The following CCNK variants were observed in gnomAD, a reference collection of about 807,000 sequenced individuals.
CCNK encodes cyclin K.
CCNK carries 9 observed loss-of-function variants against 65.0 expected under a neutral mutation model. That is an observed-to-expected ratio of 0.14 (90% confidence interval 0.08 to 0.24). CCNK has a LOEUF of 0.24. Ranked by LOEUF, CCNK falls within the 10% of genes least tolerant of loss-of-function variation. The pLI is 1.00. For missense variants in CCNK, 474 were observed against 720.0 expected, an observed-to-expected ratio of 0.66 and a Z score of 3.91; for synonymous variants, 279 against 270.8, an observed-to-expected ratio of 1.03 and a Z score of -0.30.
At chr14:99,484,043 TAAAA>T (rs957766345) in intron 1 of CCNK, among the ~76,000 whole-genome samples, 1 of 152,150 alleles carries the variant, frequency 6.6e-6, no homozygotes. Context: ...TCAAAAAAAA[TAAAA>T]AATAAATAAA....
chr14:99,508,756 G>C (rs549927675), intron 10 of CCNK: 4 of 152,578 alleles, frequency 2.6e-5, no homozygotes, highest in African/African-American at 9.6e-5. Context: ...ACAGCACAAG[G>C]GCAGGCACAC....
intron 1 of CCNK, among the ~76,000 whole-genome samples, chr14:99,486,365 T>G (rs1366428799): frequency 6.6e-6 from 1 of 152,210 alleles, no homozygotes; most frequent in Non-Finnish European, 1.5e-5. Flanking sequence ...ACGCTCGCCT[T>G]TGGTGATTCT....
chr14:99,500,717 G>A lies in CCNK; in HGVS notation c.412-49G>A, dbSNP rs373287151. On this transcript the variant is annotated intron_variant, in intron 4 of 10. Transcript: ENST00000389879. ...AAAGCTCACTTTTGTAATGCTGCTT[G>A]AGACCTGCAATTGTAATTACTGTCC... 2.5e-6 allele frequency: 3 copies of A among 1,190,378 alleles called. No individual in the cohort carries two copies. In the African/African-American group the frequency reaches 4.5e-5, roughly 18 times the overall value. 73.7% of individuals were successfully genotyped at this position (1,190,378 alleles called of 1,614,324 possible).
At chr14:99,481,959 G>A (rs1352799087) in intron 1 of CCNK, among the ~76,000 whole-genome samples, 3 of 152,234 alleles carry the variant, frequency 2.0e-5, no homozygotes, top group African/African-American at 7.2e-5. Flanking sequence ...GTGCGGCTAA[G>A]ATGAGGAAAA....
chr14:99,502,394 C>A lies in CCNK; in HGVS notation c.745+18C>A, dbSNP rs749455377. The A allele has an allele frequency of 1.9e-6, 3 of 1,610,772 alleles. No homozygotes were observed. The highest frequency in any genetic ancestry group is 2.5e-6 in the Non-Finnish European group (3 of 1,178,150). On this transcript the variant is annotated intron_variant, in intron 7 of 10. Coordinates refer to ENST00000389879, the MANE Select transcript of CCNK (RefSeq NM_001099402.2). ...TTTGGAAGGTACCAGGCATGCTAAG[C>A]GTTCTCGTGAGGGTGTTCCATGTTG...
At chr14:99,487,754 A>G (rs1234155107) in intron 1 of CCNK, among the ~76,000 whole-genome samples, 2 of 152,260 alleles carry the variant, frequency 1.3e-5, no homozygotes, top group Non-Finnish European at 2.9e-5. Context: ...TCAACTGAAT[A>G]GTGTTAACAC....
At chr14:99,509,845 A>G in intron 10 of CCNK, 2 of 430,640 alleles carry the variant, frequency 4.6e-6, no homozygotes, top group South Asian at 7.3e-5. Flanking sequence ...GTTTTGCACT[A>G]GGAAGAGGGG....
intron 8 of CCNK, 127 bp downstream of exon 8, chr14:99,503,111 A>C: frequency 9.2e-7 from 1 of 1,081,154 alleles, no homozygotes; most frequent in Non-Finnish European, 1.4e-6. Context: ...CGAAACTCGC[A>C]GTCCGACTGC....
At chr14:99,500,572 C>T (rs1896800300) in intron 4 of CCNK, 194 bp from the exon 5 acceptor site, 3 of 543,968 alleles carry the variant, frequency 5.5e-6, no homozygotes, top group Admixed American at 3.7e-5. Flanking sequence ...CTTTGTCTTC[C>T]TGTTTGAGAT....
chr14:99,481,600 C>T (rs989590735), intron 1 of CCNK, 121 bp downstream of exon 1: 2 of 395,228 alleles, frequency 5.1e-6, no homozygotes, highest in East Asian at 7.2e-5. Flanking sequence ...TTCTGCCTCC[C>T]TCCGCTAACC....
intron 1 of CCNK, among the ~76,000 whole-genome samples, chr14:99,490,937 A>AG (rs1262513851): frequency 6.6e-6 from 1 of 152,052 alleles, no homozygotes; most frequent in East Asian, 1.9e-4. Context: ...TCAAAAAAAA[A>AG]AAAAAAAAGA....
At chr14:99,490,593 C>T (rs963343586) in intron 1 of CCNK, among the ~76,000 whole-genome samples, 2 of 152,044 alleles carry the variant, frequency 1.3e-5, no homozygotes, top group Non-Finnish European at 2.9e-5. Context: ...TGTTTTTCCC[C>T]ATTCCTTATT....
intron 1 of CCNK, among the ~76,000 whole-genome samples, chr14:99,485,792 G>A (rs918477703): frequency 3.3e-5 from 5 of 151,944 alleles, no homozygotes; most frequent in African/African-American, 7.3e-5. Context: ...CCCTGGAGGC[G>A]GGAGGTTGCA....
intron 4 of CCNK, among the ~76,000 whole-genome samples, chr14:99,496,125 C>A (rs774571271): frequency 6.6e-6 from 1 of 152,148 alleles, no homozygotes. Flanking sequence ...CTATCTTTTC[C>A]ATACAGCTCA....
At chr14:99,481,657 G>T (rs1595298991) in intron 1 of CCNK, 178 bp downstream of exon 1, 3 of 389,880 alleles carry the variant, frequency 7.7e-6, no homozygotes, top group Non-Finnish European at 1.4e-5. Context: ...TGTGGGGCGG[G>T]CGTGTAGAGA....
At position 99,492,783 on chromosome 14, in the gene CCNK, T is replaced by A. The variant is rs1896622549; in HGVS notation, c.106T>A (p.Ser36Thr). 6.2e-7 allele frequency: 1 copy of A among 1,613,388 alleles called. No homozygotes were observed. The highest frequency in any genetic ancestry group is 1.7e-5 in the Admixed American group (1 of 59,862). The change falls in exon 2 of 11, where the codon TCA (serine) becomes ACA (threonine). Residue 36 changes from serine to threonine, a missense_variant. This residue lies in a region of CCNK where 87 missense variants were observed against 166.2 expected (regional missense o/e 0.52). Transcript: ENST00000389879. ...WDKKDLAHTP[S>T]QLEGLDPATE... The stretch of plus-strand genomic sequence containing the variant: ...TAAGAAAGACTTGGCTCATACACCC[T>A]CACAACTTGAAGGACTTGATCCAGC...
chr14:99,491,658 C>G (rs1158961200), intron 1 of CCNK, among the ~76,000 whole-genome samples: 1 of 152,178 alleles, frequency 6.6e-6, no homozygotes, highest in African/African-American at 2.4e-5. Flanking sequence ...GGAGAATATT[C>G]AGCCCCACCA....
Position 99,503,663 on chromosome 14 carries a change from GT to G in CCNK, c.1045+26del. The G allele has an allele frequency of 1.3e-6, 2 of 1,547,712 alleles. No homozygotes were observed. Among genetic ancestry groups the G allele is most frequent in the Middle Eastern group, 1.8e-4 (1 of 5,710 alleles). ...GCAGCAGGTAATTTCCTGTTCTGATGTTTTTTTAGTTTTATGTGTTTATATG... is the reference window on the plus strand; with the variant it reads ...GCAGCAGGTAATTTCCTGTTCTGATGTTTTTTAGTTTTATGTGTTTATATG... On this transcript the variant is annotated intron_variant, in intron 9 of 10. Transcript: ENST00000389879.
chr14:99,488,948 A>T (rs1896546614), intron 1 of CCNK, among the ~76,000 whole-genome samples: 1 of 147,564 alleles, frequency 6.8e-6, no homozygotes, highest in African/African-American at 2.5e-5. Context: ...TCATTCCTTC[A>T]GCAGTCCTAT....
Sources: allele counts gnomAD v4.1 joint callset (sites outside exome capture counted in the v4.1 genomes callset), GRCh38; gene constraint gnomAD v4.1.1; regional missense constraint gnomAD v4.1.1; transcripts MANE v1.5; gene names NCBI Gene and HGNC (gene_info 2026-07-23, HGNC 2026-07-21).